SPTLC3: variants seen among roughly 807,000 people sequenced by gnomAD.
SPTLC3 encodes serine palmitoyltransferase 3.
SPTLC3 carries 36 observed loss-of-function variants against 59.3 expected under a neutral mutation model. The ratio of observed to expected loss-of-function variants is 0.61; its 90% confidence interval spans 0.47 to 0.80. SPTLC3 has a LOEUF of 0.80. Among genes scored for constraint, SPTLC3 ranks in the 30% least tolerant of loss-of-function variants. The pLI, the probability that SPTLC3 is intolerant of heterozygous loss-of-function variation, is 0.00. For synonymous variants in SPTLC3, 257 were observed against 240.8 expected, an observed-to-expected ratio of 1.07 and a Z score of -0.62; for missense variants, 625 against 685.1, an observed-to-expected ratio of 0.91 and a Z score of 0.98.
At chr20:13,073,943 T>C (rs1988542873) in intron 3 of SPTLC3, 4 of 586,278 alleles carry the variant, frequency 6.8e-6, no homozygotes, top group East Asian at 8.7e-5. Flanking sequence ...CAGGGAGGTG[T>C]GGCACCTGAG....
At chr20:13,112,964 C>A (rs1349839349) in intron 7 of SPTLC3, among the ~76,000 whole-genome samples, 7 of 152,146 alleles carry the variant, frequency 4.6e-5, no homozygotes, top group Non-Finnish European at 4.4e-5. Flanking sequence ...AGGTGGATTA[C>A]TTGAGGTTAG....
chr20:13,067,228 C>T lies in SPTLC3; in HGVS notation c.304-5028C>T, dbSNP rs1330377108. ...CTACATTGGGGCATTGCTTTTCCCT[C>T]TTCTTCCTGTTGCCCACCACAAAGC... On this transcript the variant is annotated intron_variant, in intron 2 of 11. Transcript: ENST00000399002. Among the ~76,000 whole-genome samples the T allele has an allele frequency of 2.6e-5, 4 of 152,038 alleles. No individual in the cohort carries two copies. In the South Asian group the frequency reaches 6.3e-4, roughly 24 times the overall value.
intron 4 of SPTLC3, among the ~76,000 whole-genome samples, chr20:13,076,451 A>G (rs1224524918): frequency 6.6e-6 from 1 of 152,206 alleles, no homozygotes; most frequent in African/African-American, 2.4e-5. Flanking sequence ...GAGAACCTAC[A>G]AGTTCATGAA....
At chr20:13,155,061 G>A (rs1462248115) in intron 10 of SPTLC3, among the ~76,000 whole-genome samples, 1 of 151,856 alleles carries the variant, frequency 6.6e-6, no homozygotes, top group African/African-American at 2.4e-5. Context: ...CATGCCTGTA[G>A]TCCTAGCTAC....
chr20:13,057,975 C>G (rs571836702), intron 2 of SPTLC3, among the ~76,000 whole-genome samples: 1 of 152,162 alleles, frequency 6.6e-6, no homozygotes, highest in Non-Finnish European at 1.5e-5. Context: ...TCTCAAGTCG[C>G]TATGGTCCCA....
At chr20:13,097,961 T>C (rs1046657557) in intron 6 of SPTLC3, among the ~76,000 whole-genome samples, 19 of 152,208 alleles carry the variant, frequency 1.2e-4, no homozygotes, top group African/African-American at 4.6e-4. Context: ...TTAGATAATA[T>C]TAGATAAGAA....
intron 4 of SPTLC3, among the ~76,000 whole-genome samples, chr20:13,080,839 A>G (rs1353119896): frequency 6.6e-6 from 1 of 152,216 alleles, no homozygotes; most frequent in African/African-American, 2.4e-5. Context: ...ATGTTCAAGA[A>G]TAATCATTGC....
intron 2 of SPTLC3, among the ~76,000 whole-genome samples, chr20:13,067,900 A>G (rs1054985635): frequency 6.6e-6 from 1 of 152,234 alleles, no homozygotes. Flanking sequence ...TTTGATAAAG[A>G]TTCTTTCTCA....
At chr20:13,062,638 G>A (rs1023678428) in intron 2 of SPTLC3, among the ~76,000 whole-genome samples, 2 of 151,980 alleles carry the variant, frequency 1.3e-5, no homozygotes, top group African/African-American at 4.8e-5. Flanking sequence ...TTTTATCTTT[G>A]TGCATGCATT....
At chr20:13,136,395 G>C (rs1352026060) in intron 9 of SPTLC3, among the ~76,000 whole-genome samples, 1 of 151,748 alleles carries the variant, frequency 6.6e-6, no homozygotes, top group Non-Finnish European at 1.5e-5. Flanking sequence ...TCAGAAATTC[G>C]AGACCAGCCT....
chr20:13,067,510 G>A (rs1305056592), intron 2 of SPTLC3, among the ~76,000 whole-genome samples: 1 of 152,064 alleles, frequency 6.6e-6, no homozygotes, highest in East Asian at 1.9e-4. Context: ...ATTCATTGAT[G>A]ACACTCTTGA....
intron 9 of SPTLC3, among the ~76,000 whole-genome samples, chr20:13,128,732 C>A (rs930725083): frequency 6.6e-6 from 1 of 151,586 alleles, no homozygotes; most frequent in East Asian, 1.9e-4. Context: ...GCTCTGTCAC[C>A]CAGGCTGAAG....
chr20:13,153,896 G>A, intron 9 of SPTLC3, 107 bp from the exon 10 acceptor site: 2 of 1,425,712 alleles, frequency 1.4e-6, no homozygotes, highest in Non-Finnish European at 1.9e-6. Context: ...CTCCCAGCTA[G>A]TGCTGCTGGC....
intron 9 of SPTLC3, among the ~76,000 whole-genome samples, chr20:13,148,252 C>T (rs2038561494): frequency 6.6e-6 from 1 of 152,100 alleles, no homozygotes; most frequent in Non-Finnish European, 1.5e-5. Flanking sequence ...TTCCCCTGAC[C>T]CAGCTGGTTT....
intron 9 of SPTLC3, 75 bp from the exon 10 acceptor site, chr20:13,153,928 C>A (rs1054848557): frequency 6.4e-7 from 1 of 1,572,464 alleles, no homozygotes; most frequent in Non-Finnish European, 8.6e-7. Flanking sequence ...CTTAAAGATG[C>A]TTGCCAAGTT....
chr20:13,078,335 A>G (rs981264452), intron 4 of SPTLC3, among the ~76,000 whole-genome samples: 1 of 151,134 alleles, frequency 6.6e-6, no homozygotes, highest in African/African-American at 2.4e-5. Flanking sequence ...CAATAAGGAG[A>G]TAATTTAAAA....
chr20:13,086,446 A>G (rs973886643), intron 4 of SPTLC3, among the ~76,000 whole-genome samples: 1 of 152,244 alleles, frequency 6.6e-6, no homozygotes, highest in African/African-American at 2.4e-5. Flanking sequence ...AGAAGTGGTG[A>G]AAGATCCTCA....
At chr20:13,047,567 A>T (rs552235893) in intron 1 of SPTLC3, among the ~76,000 whole-genome samples, 2 of 152,124 alleles carry the variant, frequency 1.3e-5, no homozygotes, top group Non-Finnish European at 2.9e-5. Flanking sequence ...GAAATAATAA[A>T]TGAATGTATA....
At chr20:13,069,451 T>C (rs142327029) in intron 2 of SPTLC3, among the ~76,000 whole-genome samples, 51 of 152,310 alleles carry the variant, frequency 3.3e-4, no homozygotes, top group African/African-American at 1.1e-3. Context: ...AGGATGAAAC[T>C]GTTCCACCTC....
Sources: allele counts gnomAD v4.1 joint callset (sites outside exome capture counted in the v4.1 genomes callset), GRCh38; gene constraint gnomAD v4.1.1; transcripts MANE v1.5; gene names NCBI Gene and HGNC (gene_info 2026-07-23, HGNC 2026-07-21).